DLG5: variants seen among roughly 807,000 people sequenced by gnomAD.
DLG5 encodes the protein discs large MAGUK scaffold protein 5.
DLG5 carries 48 observed loss-of-function variants against 189.8 expected under a neutral mutation model. That is an observed-to-expected ratio of 0.25 (90% CI 0.20 to 0.32). The LOEUF (loss-of-function observed/expected upper bound fraction) is 0.32, where lower values mean the gene tolerates loss of function less well. DLG5 is among the 10% of genes least tolerant of loss of function. DLG5 has a pLI of 1.00. For synonymous variants in DLG5, 1,016 were observed against 1,054.1 expected, an observed-to-expected ratio of 0.96 and a Z score of 0.70; for missense variants, 2,160 against 2,544.7, an observed-to-expected ratio of 0.85 and a Z score of 3.25.
intron 3 of DLG5, among the ~76,000 whole-genome samples, chr10:77,855,886 C>T (rs1405016846): frequency 1.3e-5 from 2 of 152,238 alleles, no homozygotes; most frequent in African/African-American, 4.8e-5. Flanking sequence ...TCTGGCCCTC[C>T]TCCTTCCCAG....
chr10:77,800,262 G>C (rs553064898), intron 27 of DLG5, among the ~76,000 whole-genome samples: 7 of 152,322 alleles, frequency 4.6e-5, no homozygotes, highest in Admixed American at 2.0e-4. Flanking sequence ...AGAACACCTA[G>C]AAAATCTGGG....
intron 9 of DLG5, 45 bp downstream of exon 9, chr10:77,833,869 C>A (rs781002246): frequency 1.3e-6 from 2 of 1,595,882 alleles, no homozygotes; most frequent in Non-Finnish European, 1.7e-6. Context: ...GGGCCCCAGG[C>A]TCCCAGATGC....
At chr10:77,829,265 T>G in intron 12 of DLG5, 90 bp downstream of exon 12, 1 of 1,541,676 alleles carries the variant, frequency 6.5e-7, no homozygotes, top group Non-Finnish European at 8.9e-7. Flanking sequence ...TCCCTGTGAA[T>G]GAGGTGCTCT....
intron 3 of DLG5, among the ~76,000 whole-genome samples, chr10:77,855,429 G>A (rs1844183836): frequency 6.6e-6 from 1 of 152,224 alleles, no homozygotes; most frequent in Non-Finnish European, 1.5e-5. Context: ...CTAGAGCAGA[G>A]GTCAGCAAAC....
rs1352336486 is a variant in DLG5, at chr10:77,796,762, T to A, written c.5165-168A>T. Among the ~76,000 whole-genome samples, 1 of 152,160 alleles carries A rather than the reference T, an allele frequency of 6.6e-6. No individual in the cohort carries two copies. The highest frequency in any genetic ancestry group is 1.5e-5 in the Non-Finnish European group (1 of 68,018). On this transcript the variant is annotated intron_variant, in intron 27 of 31. Coordinates refer to ENST00000372391, the MANE Select transcript of DLG5 (RefSeq NM_004747.4). The surrounding 1 kb of genome is among the most constrained non-coding windows in gnomAD (Gnocchi z 5.2). ...AGGCACAACCGGGCATCGTCACCCC[T>A]GGAGTCCAGCATGAGCACCCCCCAT... is the stretch of plus-strand genomic sequence containing the variant.
At chr10:77,792,710 A>C (rs1840698711) in intron 31 of DLG5, 167 bp from the exon 32 acceptor site, 1 of 641,786 alleles carries the variant, frequency 1.6e-6, no homozygotes, top group African/African-American at 1.8e-5. Context: ...GAAACTGGGA[A>C]AGAAAATTGC....
chr10:77,795,111 C>T (rs568734585), intron 29 of DLG5, among the ~76,000 whole-genome samples, 153 bp from the exon 30 acceptor site: 4 of 152,266 alleles, frequency 2.6e-5, no homozygotes, highest in East Asian at 1.9e-4. Context: ...ACCATACCCA[C>T]GAAACTCCCA....
Position 77,819,457 on chromosome 10 carries a change from G to A in DLG5, c.3535C>T (p.Pro1179Ser), listed in dbSNP as rs1842226467. 4.3e-6 allele frequency: 7 copies of A among 1,613,056 alleles called. No individual in the cohort carries two copies. The highest frequency in any genetic ancestry group is 5.9e-6 in the Non-Finnish European group (7 of 1,179,840). Residue 1179 changes from proline (P) to serine (S), a missense_variant, in exon 17 of 32, where the codon CCC becomes TCC. By Grantham distance (74) the Pro-to-Ser change is moderately conservative. Coordinates refer to ENST00000372391, the MANE Select transcript of DLG5 (RefSeq NM_004747.4). ...YPSRPSVGTV[P>S]RSLTPSTTVS... Reference sequence around the variant, plus strand: ...GTGGTGCTGGGGGTCAAACTCCGGGGAACAGTGCCTAGAAATGGGCTTGGT... The same window carrying A: ...GTGGTGCTGGGGGTCAAACTCCGGGAAACAGTGCCTAGAAATGGGCTTGGT...
At chr10:77,911,547 T>C (rs1015240729) in intron 1 of DLG5, among the ~76,000 whole-genome samples, 3 of 152,204 alleles carry the variant, frequency 2.0e-5, no homozygotes, top group Admixed American at 1.3e-4. Flanking sequence ...GGATAGCAGA[T>C]TGGCAATGGT....
intron 1 of DLG5, among the ~76,000 whole-genome samples, chr10:77,897,025 T>C (rs1174213148): frequency 6.6e-6 from 1 of 150,494 alleles, no homozygotes; most frequent in Non-Finnish European, 1.5e-5. Flanking sequence ...TTCTATAAAA[T>C]ATTTGTTGCT....
At chr10:77,843,226 CTGAA>C (rs776199978) in intron 6 of DLG5, among the ~76,000 whole-genome samples, 4 of 152,166 alleles carry the variant, frequency 2.6e-5, no homozygotes, top group Non-Finnish European at 5.9e-5. Flanking sequence ...AGGCTAACCA[CTGAA>C]TGGTGTCCGT....
intron 1 of DLG5, among the ~76,000 whole-genome samples, chr10:77,893,791 C>T (rs1355346520): frequency 6.6e-6 from 1 of 152,234 alleles, no homozygotes; most frequent in Non-Finnish European, 1.5e-5. Context: ...TTCTAATTCT[C>T]CCTGGAGGAA....
chr10:77,822,262 A>G (rs941251234), intron 14 of DLG5, among the ~76,000 whole-genome samples, 161 bp from the exon 15 acceptor site: 6 of 152,190 alleles, frequency 3.9e-5, no homozygotes, highest in African/African-American at 9.7e-5. Flanking sequence ...ATGAACACAT[A>G]TGCTTCTCCC....
rs1035059539 is a variant in DLG5, at chr10:77,852,119, T to C, written c.864+1235A>G. On this transcript the variant is annotated intron_variant, in intron 5 of 31. Coordinates refer to ENST00000372391, the MANE Select transcript of DLG5 (RefSeq NM_004747.4). Reference sequence around the variant, plus strand: ...TGGGTGTGATGACTCACACCTGTAATCCCAGCACTTTGGGAGGCCAAGGTG... The same window carrying C: ...TGGGTGTGATGACTCACACCTGTAACCCCAGCACTTTGGGAGGCCAAGGTG... Among the ~76,000 whole-genome samples, 6 of 152,218 alleles carry C rather than the reference T, an allele frequency of 3.9e-5. No homozygotes were observed. The East Asian group carries it at 1.2e-3, about 30-fold the overall frequency.
intron 1 of DLG5, among the ~76,000 whole-genome samples, chr10:77,898,764 G>A (rs1022146949): frequency 6.6e-6 from 1 of 152,206 alleles, no homozygotes; most frequent in South Asian, 2.1e-4. Flanking sequence ...ATGCCTGAGA[G>A]GGCCAGGCAG....
chr10:77,859,176 C>A (rs1181179838), intron 2 of DLG5, among the ~76,000 whole-genome samples: 1 of 152,062 alleles, frequency 6.6e-6, no homozygotes, highest in Non-Finnish European at 1.5e-5. Context: ...ACACCCGGCC[C>A]AATGTGTTTG....
At position 77,926,470 on chromosome 10, in the gene DLG5, G is replaced by A. The variant is rs1846698004; in HGVS notation, c.51C>T (p.Ala17=). Residue 17 remains alanine (A), a synonymous_variant, in exon 1 of 32, where the codon GCC becomes GCT. Coordinates refer to ENST00000372391, the MANE Select transcript of DLG5 (RefSeq NM_004747.4). The surrounding 1 kb of genome is among the most constrained non-coding windows in gnomAD (Gnocchi z 5.2). ...CGGCTTCCACCTCCGTCATGGCCTGGGCCAGGCTCTGCTGACACTGGGCGA... is the reference window on the plus strand; with the variant it reads ...CGGCTTCCACCTCCGTCATGGCCTGAGCCAGGCTCTGCTGACACTGGGCGA... ...ELLAQCQQSL[A]QAMTEVEAVL... The A allele has an allele frequency of 6.6e-7, 1 of 1,513,122 alleles. No individual in the cohort carries two copies. Among genetic ancestry groups the A allele is most frequent in the Non-Finnish European group, 8.8e-7 (1 of 1,131,372 alleles). 93.7% of individuals were successfully genotyped at this position (1,513,122 alleles called of 1,614,324 possible). A position where few individuals can be genotyped will look rare whatever the true frequency, so the allele number is the denominator to read the frequency against.
chr10:77,924,458 C>T (rs1479017736), intron 1 of DLG5, among the ~76,000 whole-genome samples: 1 of 152,180 alleles, frequency 6.6e-6, no homozygotes, highest in Non-Finnish European at 1.5e-5. Context: ...GAGATTAAGG[C>T]GAGCGTTGAT....
chr10:77,873,013 A>ATGTG (rs112644933), intron 1 of DLG5, among the ~76,000 whole-genome samples: 7,702 of 124,766 alleles, frequency 0.062, 333 homozygotes, highest in East Asian at 0.27. Context: ...CAGCCTCCTG[A>ATGTG]TGTGTGTGTG....
Sources: allele counts gnomAD v4.1 joint callset (sites outside exome capture counted in the v4.1 genomes callset), GRCh38; gene constraint gnomAD v4.1.1; non-coding constraint Gnocchi (gnomAD v3.1); transcripts MANE v1.5; gene names NCBI Gene and HGNC (gene_info 2026-07-23, HGNC 2026-07-21).